The following CDH24 variants were observed in gnomAD, a reference collection of about 807,000 sequenced individuals.
The protein encoded by CDH24 is cadherin-24.
In CDH24, 61 loss-of-function variants were observed where a neutral mutation model predicts 71.2. That is an observed-to-expected ratio of 0.86 (90% CI 0.70 to 1.06). The LOEUF is 1.06. CDH24 is among the 50% of genes least tolerant of loss of function. The pLI is 0.00. For synonymous variants in CDH24, 440 were observed against 470.2 expected (o/e 0.94, Z 0.83); for missense variants, 961 against 1,083.7 (o/e 0.89, Z 1.59).
At position 23,055,719 on chromosome 14, in the gene CDH24, C is replaced by T. The variant is rs773487174; in HGVS notation, c.15G>A (p.Val5=). The T allele has an allele frequency of 3.8e-6, 6 of 1,587,756 alleles. No homozygotes were observed. Among genetic ancestry groups the T allele is most frequent in the South Asian group, 2.2e-5 (2 of 89,094 alleles). The change falls in exon 2 of 13, where the codon GTG becomes GTA. Residue 5 remains valine (V), a synonymous_variant. Coordinates refer to ENST00000487137, the MANE Select transcript of CDH24 (RefSeq NM_144985.4). The surrounding 1 kb of genome is among the most constrained non-coding windows in gnomAD (Gnocchi z 4.1). The part of the protein sequence containing the change: MWGL[V]RLLLAWLGGW... ...CACCCAGCCAGGCCAGCAGGAGCCTCACCAGGCCCCACATGTTTGGACTCC... is the reference window on the plus strand; with the variant it reads ...CACCCAGCCAGGCCAGCAGGAGCCTTACCAGGCCCCACATGTTTGGACTCC...
rs759392687 is a variant in CDH24, at chr14:23,055,646, C to T, written c.88G>A (p.Gly30Arg). The T allele has an allele frequency of 6.2e-7, 1 of 1,611,844 alleles. No individual in the cohort carries two copies. Residue 30 changes from glycine to arginine, a missense_variant, in exon 2 of 13, where the codon GGG becomes AGG. Physicochemically the swap from Gly to Arg is moderately radical, Grantham distance 125. Around this residue, in one of 2 missense-constraint regions of CDH24, gnomAD observed 671 missense variants for 810.9 expected, o/e 0.83. Coordinates refer to ENST00000487137, the MANE Select transcript of CDH24 (RefSeq NM_144985.4). This position sits in a 1 kb window ranked among gnomAD's most constrained non-coding sequence, Gnocchi z 4.1. Reference protein sequence around the residue: ...RLAAPARAWAGSREHPGPALL... With the variant: ...RLAAPARAWARSREHPGPALL... Reference sequence around the variant, plus strand: ...GCAGGCCCTGGGTGTTCCCGGGACCCTGCCCAGGCCCGGGCTGGGGCTGCC... The same window carrying T: ...GCAGGCCCTGGGTGTTCCCGGGACCTTGCCCAGGCCCGGGCTGGGGCTGCC...
At chr14:23,049,339 C>T in intron 10 of CDH24, 64 bp from the exon 11 acceptor site, 1 of 1,457,262 alleles carries the variant, frequency 6.9e-7, no homozygotes, top group East Asian at 2.5e-5. Context: ...TTGGTCCAGC[C>T]CATAGAGCCA....
chr14:23,052,611 T>C lies in CDH24; in HGVS notation c.1227-2A>G, dbSNP rs1391867359. On this transcript the variant is annotated splice_acceptor_variant, in intron 7 of 12. Transcript: ENST00000487137. LOFTEE classifies it high-confidence loss of function. ...TCTGAGTGGGGGAGGATGGAGTATC[T>C]GGGGAAGGGAGAGACATGCTGGGGC... The C allele has an allele frequency of 6.2e-7, 1 of 1,613,222 alleles. No homozygotes were observed. Among genetic ancestry groups the C allele is most frequent in the East Asian group, 2.2e-5 (1 of 44,862 alleles).
rs2047103068 is a variant in CDH24 at position 23,053,753 on chromosome 14, T to TATAG, written c.973-5_973-4insCTAT. ...GCTGGCTCTCAAAGTCTAGGGGCTA[T>TATAG]GGTGAGGGGAGAGGGAGAAAAAGTG... On this transcript the variant is annotated splice_polypyrimidine_tract_variant and splice_region_variant and intron_variant, in intron 6 of 12. Transcript: ENST00000487137. 6.3e-7 allele frequency: 1 copy of TATAG among 1,590,774 alleles called. No homozygotes were observed. Among genetic ancestry groups the TATAG allele is most frequent in the South Asian group, 1.1e-5 (1 of 90,610 alleles).
At position 23,047,690 on chromosome 14, in the gene CDH24, A is replaced by G; in HGVS notation, c.*290T>C. 1 of 291,636 alleles carries G rather than the reference A, an allele frequency of 3.4e-6. No homozygotes were observed. The highest frequency in any genetic ancestry group is 6.4e-6 in the Non-Finnish European group (1 of 157,334). 18.1% of individuals were successfully genotyped at this position (291,636 alleles called of 1,614,324 possible). On this transcript the variant is annotated 3_prime_UTR_variant, in exon 12 of 13. Transcript: ENST00000487137. ...AGACAAAACGCCACGGAGGAAGGAGAGGAATCACAGTGAGAGATCGCAGGG... is the reference window on the plus strand; with the variant it reads ...AGACAAAACGCCACGGAGGAAGGAGGGGAATCACAGTGAGAGATCGCAGGG...
At position 23,054,085 on chromosome 14, in the gene CDH24, C is replaced by G; in HGVS notation, c.972+56G>C. 5.3e-6 allele frequency: 8 copies of G among 1,503,378 alleles called. No individual in the cohort carries two copies. Among genetic ancestry groups the G allele is most frequent in the Middle Eastern group, 1.8e-4 (1 of 5,620 alleles). The allele number at this position is 1,503,378 out of a possible 1,614,324, so 93.1% of individuals were successfully genotyped here. ...CTAGAAGAACAGTTAAATATGTGCC[C>G]TGTGGGTCGGCAGGAGGCAGGTCTA... On this transcript the variant is annotated intron_variant, in intron 6 of 12. Coordinates refer to ENST00000487137, the MANE Select transcript of CDH24 (RefSeq NM_144985.4). This position sits in a 1 kb window ranked among gnomAD's most constrained non-coding sequence, Gnocchi z 5.2.
Position 23,054,671 on chromosome 14 carries a change from C to T in CDH24, c.619G>A (p.Val207Met). 1.2e-6 allele frequency: 2 copies of T among 1,614,038 alleles called. No individual in the cohort carries two copies. Among genetic ancestry groups the T allele is most frequent in the South Asian group, 2.2e-5 (2 of 91,066 alleles). The change falls in exon 5 of 13, where the codon GTG becomes ATG. Residue 207 changes from valine (V) to methionine (M), a missense_variant and splice_region_variant. Val to Met is a conservative substitution (Grantham distance 21). Coordinates refer to ENST00000487137, the MANE Select transcript of CDH24 (RefSeq NM_144985.4). The surrounding 1 kb of genome is among the most constrained non-coding windows in gnomAD (Gnocchi z 5.2). ...ATGTTGGGGATGGCTGTACGCACCACTCCTAGGGAGAGATGCTGGTCAGAG... is the reference window on the plus strand; with the variant it reads ...ATGTTGGGGATGGCTGTACGCACCATTCCTAGGGAGAGATGCTGGTCAGAG... ...PFFSVDPQTG[V>M]VRTAIPNMDR... is the part of the protein sequence containing the mutation.
At position 23,055,698 on chromosome 14, in the gene CDH24, C is replaced by T; in HGVS notation, c.36G>A (p.Leu12=). The T allele has an allele frequency of 3.8e-6, 6 of 1,597,952 alleles. No homozygotes were observed. The South Asian group carries it at 5.6e-5, about 15-fold the overall frequency. ...WGLVRLLLAW[L]GGWGCMGRLA... ...GACGCCCCATGCAGCCCCAGCCACCCAGCCAGGCCAGCAGGAGCCTCACCA... is the reference window on the plus strand; with the variant it reads ...GACGCCCCATGCAGCCCCAGCCACCTAGCCAGGCCAGCAGGAGCCTCACCA... Residue 12 remains leucine (L), a synonymous_variant, in exon 2 of 13, where the codon CTG becomes CTA. Transcript: ENST00000487137. This position sits in a 1 kb window ranked among gnomAD's most constrained non-coding sequence, Gnocchi z 4.1.
intron 1 of CDH24, among the ~76,000 whole-genome samples, chr14:23,056,085 C>T (rs958777082): frequency 6.6e-6 from 1 of 152,180 alleles, no homozygotes; most frequent in Non-Finnish European, 1.5e-5. Flanking sequence ...GAGTAGAGAA[C>T]TGGGGAGGAA....
Position 23,055,219 on chromosome 14 carries a change from C to A in CDH24, c.336G>T (p.Lys112Asn). The change falls in exon 3 of 13, where the codon AAG (lysine) becomes AAT (asparagine). Residue 112 changes from lysine to asparagine, a missense_variant. Coordinates refer to ENST00000487137, the MANE Select transcript of CDH24 (RefSeq NM_144985.4). The surrounding 1 kb of genome is among the most constrained non-coding windows in gnomAD (Gnocchi z 4.1). ...CTTGGGCCAGTAGCACATATTGCGC[C>A]TTTTCCTCCCGGTCAAGGCTCTTGG... ...HVTKSLDREE[K>N]AQYVLLAQAV... The A allele has an allele frequency of 6.2e-7, 1 of 1,614,212 alleles. No individual in the cohort carries two copies. Among genetic ancestry groups the A allele is most frequent in the Non-Finnish European group, 8.5e-7 (1 of 1,180,028 alleles).
At chr14:23,056,928 G>T (rs536680948) in intron 1 of CDH24, among the ~76,000 whole-genome samples, 1 of 152,128 alleles carries the variant, frequency 6.6e-6, no homozygotes, top group Non-Finnish European at 1.5e-5. Context: ...GCTCCCGAGG[G>T]AAGGGGGAAA....
Position 23,048,034 on chromosome 14 carries a change from C to T in CDH24, c.2292G>A (p.Pro764=), listed in dbSNP as rs1248573452. Reference sequence around the variant, plus strand: ...ACAGCTCGGCCAGGGTGCGGAAGAGCGGACCCCAGTCGTCCAGCGGCTCCG... The same window carrying T: ...ACAGCTCGGCCAGGGTGCGGAAGAGTGGACCCCAGTCGTCCAGCGGCTCCG... ...GPAEPLDDWG[P]LFRTLAELYG... The change falls in exon 12 of 13, where the codon CCG becomes CCA. Residue 764 remains proline (P), a synonymous_variant. Transcript: ENST00000487137. 1.4e-5 allele frequency: 20 copies of T among 1,448,328 alleles called. No individual in the cohort carries two copies. Among genetic ancestry groups the T allele is most frequent in the South Asian group, 2.6e-5 (2 of 76,022 alleles). The allele number at this position is 1,448,328 out of a possible 1,614,324, so 89.7% of individuals were successfully genotyped here. A position where few individuals can be genotyped will look rare whatever the true frequency, so the allele number is the denominator to read the frequency against.
chr14:23,053,517 T>C lies in CDH24; in HGVS notation c.1205A>G (p.Asp402Gly). The change falls in exon 7 of 13, where the codon GAC becomes GGC. Residue 402 changes from aspartate to glycine, a missense_variant. This residue lies in a region of CDH24 where 671 missense variants were observed against 810.9 expected (regional missense o/e 0.83). Transcript: ENST00000487137. ...LVGQISAADL[D>G]SPASPIRYSI... ...CTACCTGATTGGGCTGGCAGGGGAG[T>C]CCAGGTCAGCCGCGGAGATCTGGCC... The C allele has an allele frequency of 6.3e-7, 1 of 1,583,896 alleles. No individual in the cohort carries two copies. The highest frequency in any genetic ancestry group is 8.6e-7 in the Non-Finnish European group (1 of 1,158,208).
At chr14:23,049,423 A>C (rs2047067662) in intron 10 of CDH24, 148 bp from the exon 11 acceptor site, 12 of 803,860 alleles carry the variant, frequency 1.5e-5, no homozygotes, top group Non-Finnish European at 2.3e-5. Context: ...CCATAGAGCC[A>C]GCCCATAGGT....
intron 7 of CDH24, among the ~76,000 whole-genome samples, chr14:23,052,826 G>T (rs577605236): frequency 1.3e-5 from 2 of 152,134 alleles, no homozygotes; most frequent in African/African-American, 2.4e-5. Context: ...GGTTTCACGG[G>T]GGGAGGGGGA....
In CDH24 at chr14:23,055,429, C is replaced by T. The variant is rs974107607; in HGVS notation, c.202-76G>A. 4.6e-5 allele frequency: 73 copies of T among 1,583,712 alleles called. No individual in the cohort carries two copies. The highest frequency in any genetic ancestry group is 6.0e-5 in the Non-Finnish European group (70 of 1,161,478). On this transcript the variant is annotated intron_variant, in intron 2 of 12. Coordinates refer to ENST00000487137, the MANE Select transcript of CDH24 (RefSeq NM_144985.4). This position sits in a 1 kb window ranked among gnomAD's most constrained non-coding sequence, Gnocchi z 4.1. ...TTAAAGAGTCTAGGTTTGGGTAGAG[C>T]GTTGGGAGTCCTGAGGGACCAAGGT...
At position 23,053,706 on chromosome 14, in the gene CDH24, T is replaced by C; in HGVS notation, c.1016A>G (p.Glu339Gly). 1.9e-6 allele frequency: 3 copies of C among 1,612,978 alleles called. No homozygotes were observed. The highest frequency in any genetic ancestry group is 2.5e-6 in the Non-Finnish European group (3 of 1,179,624). Residue 339 changes from glutamate to glycine, a missense_variant, in exon 7 of 13, where the codon GAG (glutamate) becomes GGG (glycine). Transcript: ENST00000487137. ...ESQRSYSFRVEATNTLIDPAY... is the reference protein window; with the variant it reads ...ESQRSYSFRVGATNTLIDPAY... ...TGGGTCAATGAGCGTGTTGGTGGCC[T>C]CGACACGGAAGGAGTAGGAGCGCTG...
Position 23,048,478 on chromosome 14 carries a change from G to T in CDH24, c.1848C>A (p.Ala616=). 6.2e-7 allele frequency: 1 copy of T among 1,605,332 alleles called. No homozygotes were observed. Residue 616 remains alanine, a splice_region_variant and synonymous_variant, in exon 12 of 13, where the codon GCC becomes GCA. Transcript: ENST00000487137. The part of the protein sequence containing the change: ...AIITCVGALL[A]LVVLFVALRR... ...GCAGGGCCACGAAGAGCACCACCAG[G>T]GCTGCGCGAGAGGCGCGCACACAGG...
chr14:23,049,178 C>T lies in CDH24; in HGVS notation c.1695G>A (p.Ala565=), dbSNP rs555921275. The change falls in exon 11 of 13, where the codon GCG becomes GCA. Residue 565 remains alanine (A), a synonymous_variant. Transcript: ENST00000487137. ...PIELWDWGQP[A]LSSTATVTVS... ...CAGTCACTGTGGCAGTGCTGCTCAG[C>T]GCCGGCTGCCCCCAGTCCCACAGTT... 61 of 1,578,244 alleles carry T rather than the reference C, an allele frequency of 3.9e-5. 1 individual carries two copies. The highest frequency in any genetic ancestry group is 1.7e-4 in the Middle Eastern group (1 of 5,822).
Sources: allele counts gnomAD v4.1 joint callset (sites outside exome capture counted in the v4.1 genomes callset), GRCh38; gene constraint gnomAD v4.1.1; regional missense constraint gnomAD v4.1.1; non-coding constraint Gnocchi (gnomAD v3.1); transcripts MANE v1.5; gene names NCBI Gene and HGNC (gene_info 2026-07-23, HGNC 2026-07-21).